Variants in LCLAT1 observed in about 807,000 individuals in gnomAD.
LCLAT1 encodes 1-AGP acyltransferase 8.
In LCLAT1, 11 loss-of-function variants were observed where a neutral mutation model predicts 30.7. The observed-to-expected ratio is 0.36, with a 90% confidence interval of 0.23 to 0.59. The LOEUF (loss-of-function observed/expected upper bound fraction) is 0.59. Among genes scored for constraint, LCLAT1 ranks in the 20% least tolerant of loss-of-function variants. The pLI, the probability that LCLAT1 is intolerant of heterozygous loss-of-function variation, is 0.77. For missense variants in LCLAT1, 402 were observed against 458.6 expected, an observed-to-expected ratio of 0.88 and a Z score of 1.13; for synonymous variants, 155 against 151.3, an observed-to-expected ratio of 1.02 and a Z score of -0.18.
intron 5 of LCLAT1, among the ~76,000 whole-genome samples, chr2:30,627,069 A>G (rs1372778058): frequency 1.3e-5 from 2 of 152,286 alleles, no homozygotes; most frequent in East Asian, 3.9e-4. Context: ...TGAGTATCAG[A>G]TGGGTCTGTG....
chr2:30,629,122 T>C (rs1668647570), intron 5 of LCLAT1, among the ~76,000 whole-genome samples: 1 of 152,186 alleles, frequency 6.6e-6, no homozygotes, highest in Non-Finnish European at 1.5e-5. Context: ...AGTGGCTATA[T>C]GGCAAAATTA....
intron 5 of LCLAT1, among the ~76,000 whole-genome samples, chr2:30,627,710 C>G (rs1248868316): frequency 6.6e-6 from 1 of 151,974 alleles, no homozygotes; most frequent in Non-Finnish European, 1.5e-5. Flanking sequence ...CTTTTAACTA[C>G]AAAGACTGGT....
chr2:30,504,337 G>C (rs1158662628), intron 1 of LCLAT1, among the ~76,000 whole-genome samples: 1 of 151,768 alleles, frequency 6.6e-6, no homozygotes, highest in Non-Finnish European at 1.5e-5. Context: ...TTTTCTGGCT[G>C]TGTCTCATGA....
intron 5 of LCLAT1, among the ~76,000 whole-genome samples, chr2:30,623,586 AAAC>A (rs1668371898): frequency 6.6e-6 from 1 of 152,158 alleles, no homozygotes; most frequent in African/African-American, 2.4e-5. Context: ...GGGAAAAAAA[AAAC>A]AACAAAGCGT....
chr2:30,487,111 A>G (rs829677), intron 1 of LCLAT1, among the ~76,000 whole-genome samples: 109,978 of 152,134 alleles, frequency 0.72, 41,122 homozygotes, highest in East Asian at 0.87. Flanking sequence ...GATGGTATGC[A>G]TTTAATTTGT....
At chr2:30,505,915 A>G (rs1383615916) in intron 1 of LCLAT1, among the ~76,000 whole-genome samples, 2 of 152,278 alleles carry the variant, frequency 1.3e-5, no homozygotes, top group East Asian at 3.9e-4. Context: ...ATAAGAGATA[A>G]GTTGTGTCAT....
intron 5 of LCLAT1, among the ~76,000 whole-genome samples, chr2:30,573,256 C>T (rs1313476620): frequency 3.3e-5 from 5 of 152,136 alleles, no homozygotes; most frequent in East Asian, 1.9e-4. Flanking sequence ...TATTTTCATT[C>T]GCAGTGCCAT....
chr2:30,545,045 T>A (rs984050804), intron 3 of LCLAT1, among the ~76,000 whole-genome samples: 1 of 152,134 alleles, frequency 6.6e-6, no homozygotes, highest in Admixed American at 6.6e-5. Flanking sequence ...CTTGATAGGA[T>A]TTCATGAAAA....
intron 5 of LCLAT1, among the ~76,000 whole-genome samples, chr2:30,609,871 C>T (rs1392319024): frequency 6.6e-6 from 1 of 152,094 alleles, no homozygotes; most frequent in Non-Finnish European, 1.5e-5. Flanking sequence ...GCTTCCATGT[C>T]TTTAAATCTC....
chr2:30,540,214 T>C (rs1425528539), intron 3 of LCLAT1, among the ~76,000 whole-genome samples: 1 of 152,198 alleles, frequency 6.6e-6, no homozygotes, highest in East Asian at 1.9e-4. Context: ...TAAATAGAAA[T>C]GGGTGTAACA....
At chr2:30,560,690 C>A (rs1483212353) in intron 3 of LCLAT1, among the ~76,000 whole-genome samples, 1 of 152,018 alleles carries the variant, frequency 6.6e-6, no homozygotes, top group Non-Finnish European at 1.5e-5. Flanking sequence ...TATGTATTAT[C>A]AGGGTTCTGT....
chr2:30,623,254 C>T (rs1668353657), intron 5 of LCLAT1, among the ~76,000 whole-genome samples: 1 of 152,004 alleles, frequency 6.6e-6, no homozygotes, highest in African/African-American at 2.4e-5. Context: ...CAGGGTTTCA[C>T]CTTATTAGCC....
rs150344343 is a variant in LCLAT1, at chr2:30,616,862, C to T, written c.629-23255C>T. ...CCAAAAAAAAAAAATTGAAATCATA[C>T]ATGTGAATAAATTTGTTTCAAACTC... On this transcript the variant is annotated intron_variant, in intron 5 of 5. Coordinates refer to ENST00000379509, the MANE Select transcript of LCLAT1 (RefSeq NM_001002257.3). Among the ~76,000 whole-genome samples the T allele has an allele frequency of 4.1e-3, 624 of 152,042 alleles. 5 individuals are homozygous for T. Among genetic ancestry groups the T allele is most frequent in the African/African-American group, 0.014 (571 of 41,486 alleles).
At chr2:30,476,606 C>T (rs767228955) in intron 1 of LCLAT1, 345 of 441,344 alleles carry the variant, frequency 7.8e-4, no homozygotes, top group Middle Eastern at 1.3e-3. Context: ...GGAAAACAAG[C>T]TCAGAACGCT....
intron 1 of LCLAT1, among the ~76,000 whole-genome samples, chr2:30,510,479 G>GT (rs1006777793): frequency 6.6e-6 from 1 of 152,156 alleles, no homozygotes; most frequent in African/African-American, 2.4e-5. Context: ...TATGTAACCT[G>GT]TTTTTTCCTT....
chr2:30,635,624 C>T (rs1017238687), intron 5 of LCLAT1, among the ~76,000 whole-genome samples: 16 of 152,054 alleles, frequency 1.1e-4, no homozygotes, highest in African/African-American at 3.4e-4. Context: ...TGAACCCTTT[C>T]CCCCTTCACA....
chr2:30,485,695 A>G (rs1233668301), intron 1 of LCLAT1, among the ~76,000 whole-genome samples: 2 of 152,160 alleles, frequency 1.3e-5, no homozygotes, highest in African/African-American at 4.8e-5. Context: ...AATGGTAACT[A>G]AACATTTTCC....
chr2:30,477,351 G>A (rs1435373003), intron 1 of LCLAT1, among the ~76,000 whole-genome samples: 2 of 152,138 alleles, frequency 1.3e-5, no homozygotes, highest in Admixed American at 1.3e-4. Flanking sequence ...GTTAGTGCTT[G>A]TTGTTTGGAG....
At chr2:30,516,251 A>G (rs766168538) in intron 1 of LCLAT1, among the ~76,000 whole-genome samples, 4 of 151,178 alleles carry the variant, frequency 2.6e-5, no homozygotes, top group Admixed American at 6.6e-5. Flanking sequence ...CTTTGTTTTC[A>G]CTCTATTAAA....
Sources: allele counts gnomAD v4.1 joint callset (sites outside exome capture counted in the v4.1 genomes callset), GRCh38; gene constraint gnomAD v4.1.1; transcripts MANE v1.5; gene names NCBI Gene and HGNC (gene_info 2026-07-23, HGNC 2026-07-21).